FSD1L: variants seen among roughly 807,000 people sequenced by gnomAD.
FSD1L encodes the protein FSD1-like protein.
FSD1L carries 45 observed loss-of-function variants against 71.6 expected under a neutral mutation model. That is an observed-to-expected ratio of 0.63 (90% CI 0.49 to 0.81). FSD1L has a LOEUF of 0.81. Among genes scored for constraint, FSD1L ranks in the 30% least tolerant of loss-of-function variants. The probability of loss-of-function intolerance (pLI) is 0.00; values close to 1 mark genes in which losing one functional copy is unlikely to be tolerated. For missense variants in FSD1L, 561 were observed against 618.1 expected, an observed-to-expected ratio of 0.91 and a Z score of 0.98; for synonymous variants, 197 against 207.2, an observed-to-expected ratio of 0.95 and a Z score of 0.42.
At chr9:105,546,336 A>G (rs1271966222) in intron 13 of FSD1L, 22 bp from the exon 14 acceptor site, 1 of 1,502,972 alleles carries the variant, frequency 6.7e-7, no homozygotes, top group South Asian at 1.3e-5. Context: ...GCAATCTGAC[A>G]GGTTTTTTTG....
At chr9:105,448,268 G>C in intron 1 of FSD1L, 33 bp downstream of exon 1, 1 of 1,465,696 alleles carries the variant, frequency 6.8e-7, no homozygotes, top group Non-Finnish European at 9.1e-7. Flanking sequence ...GGGCTACCGA[G>C]ACAAGCCGGG....
intron 1 of FSD1L, among the ~76,000 whole-genome samples, chr9:105,455,743 C>T (rs763584671): frequency 6.6e-6 from 1 of 152,138 alleles, no homozygotes; most frequent in Non-Finnish European, 1.5e-5. Flanking sequence ...AATGTGAAGA[C>T]TCATACTACT....
At chr9:105,527,951 A>G (rs953932396) in intron 10 of FSD1L, among the ~76,000 whole-genome samples, 5 of 152,224 alleles carry the variant, frequency 3.3e-5, no homozygotes, top group African/African-American at 1.2e-4. Flanking sequence ...GCAAAGTCTC[A>G]GGATACAAAA....
At chr9:105,501,861 C>G (rs1766200083) in intron 7 of FSD1L, among the ~76,000 whole-genome samples, 1 of 152,144 alleles carries the variant, frequency 6.6e-6, no homozygotes, top group Admixed American at 6.5e-5. Flanking sequence ...CAGAACTTTT[C>G]AGAGATTCTG....
Position 105,506,534 on chromosome 9 carries a change from GACTTCC to G in FSD1L, c.725_730del (p.Leu242_Pro243del). ...GAACATAGGAAGACTAATTTTGATG[GACTTCC>G]ACGTGTAAAGGATGAGCGATGCTGG... On this transcript the variant is annotated inframe_deletion, in exon 8 of 14. Coordinates refer to ENST00000481272, the MANE Select transcript of FSD1L (RefSeq NM_001145313.3). 6.4e-7 allele frequency: 1 copy of G among 1,551,306 alleles called. No individual in the cohort carries two copies. Among genetic ancestry groups the G allele is most frequent in the Non-Finnish European group, 8.7e-7 (1 of 1,146,758 alleles).
At chr9:105,491,563 C>G (rs530976688) in intron 7 of FSD1L, among the ~76,000 whole-genome samples, 1 of 152,254 alleles carries the variant, frequency 6.6e-6, no homozygotes, top group South Asian at 2.1e-4. Context: ...GAGAGGGCAT[C>G]CCTGTCTTGT....
intron 1 of FSD1L, among the ~76,000 whole-genome samples, chr9:105,450,807 G>A (rs1027800525): frequency 6.6e-6 from 1 of 152,092 alleles, no homozygotes; most frequent in South Asian, 2.1e-4. Context: ...AAAGCGCTGC[G>A]ATTACAGGCT....
chr9:105,508,876 C>T (rs1279705672), intron 9 of FSD1L, among the ~76,000 whole-genome samples, 161 bp downstream of exon 9: 2 of 152,194 alleles, frequency 1.3e-5, no homozygotes, highest in African/African-American at 2.4e-5. Context: ...AATAGGACTA[C>T]AGTAGTGGTT....
In FSD1L at chr9:105,497,982, T is replaced by C. The variant is rs144353916; in HGVS notation, c.587-8417T>C. On this transcript the variant is annotated intron_variant, in intron 7 of 13. Transcript: ENST00000481272. ...CCACAGCCTTCTCAGTAGTTAGGACTACAGGCATGTGCTACCATGCCCAGC... is the reference window on the plus strand; with the variant it reads ...CCACAGCCTTCTCAGTAGTTAGGACCACAGGCATGTGCTACCATGCCCAGC... 7.9e-5 allele frequency among the ~76,000 whole-genome samples: 12 copies of C among 152,188 alleles called. 1 individual carries two copies. In the East Asian group the frequency reaches 2.3e-3, roughly 29 times the overall value.
intron 8 of FSD1L, among the ~76,000 whole-genome samples, chr9:105,508,004 G>A (rs958885616): frequency 6.7e-6 from 1 of 149,152 alleles, no homozygotes; most frequent in Non-Finnish European, 1.5e-5. Flanking sequence ...TGATTCTCCT[G>A]TCTCAGCCTC....
rs376069658 is a variant in FSD1L at position 105,481,141 on chromosome 9, C to CTGTGTGTGTGTGTGTGTGTGTGTG, written c.464+1780_464+1803dup. ...TCAGGAATTAGGGTTCAGGCAAACT[C>CTGTGTGTGTGTGTGTGTGTGTGTG]TGTGTGTGTGTGTGTGTGTGTGTGT... On this transcript the variant is annotated intron_variant, in intron 6 of 13. Transcript: ENST00000481272. 5.9e-4 allele frequency among the ~76,000 whole-genome samples: 48 copies of CTGTGTGTGTGTGTGTGTGTGTGTG among 81,554 alleles called. 4 individuals are homozygous for CTGTGTGTGTGTGTGTGTGTGTGTG. The highest frequency in any genetic ancestry group is 4.2e-3 in the East Asian group (8 of 1,916). The allele number at this position is 81,554 out of a possible 152,430, so 53.5% of individuals were successfully genotyped here.
At chr9:105,512,685 A>C in intron 9 of FSD1L, 122 bp from the exon 10 acceptor site, 1 of 495,966 alleles carries the variant, frequency 2.0e-6, no homozygotes, top group Non-Finnish European at 3.5e-6. Flanking sequence ...ATGAATTTGA[A>C]CTTTATTTTC....
intron 7 of FSD1L, among the ~76,000 whole-genome samples, chr9:105,496,238 G>A (rs538667013): frequency 2.4e-5 from 3 of 123,432 alleles, no homozygotes; most frequent in African/African-American, 9.2e-5. Flanking sequence ...GAATCTCGCT[G>A]TGTCGCCCAG....
chr9:105,530,325 G>T (rs1165328919), intron 10 of FSD1L, among the ~76,000 whole-genome samples: 1 of 152,156 alleles, frequency 6.6e-6, no homozygotes, highest in East Asian at 1.9e-4. Flanking sequence ...AGGAGATCAT[G>T]CTTGACATAA....
At chr9:105,461,660 A>G in intron 2 of FSD1L, 45 bp downstream of exon 2, 1 of 1,168,652 alleles carries the variant, frequency 8.6e-7, no homozygotes, top group Non-Finnish European at 1.2e-6. Context: ...TGAAGATCTG[A>G]TTCAAAATTA....
intron 10 of FSD1L, chr9:105,524,321 T>G: frequency 6.2e-7 from 1 of 1,613,644 alleles, no homozygotes; most frequent in South Asian, 1.1e-5. Flanking sequence ...ACCAGCCTGA[T>G]TCTCCCTTGA....
At chr9:105,461,474 T>C (rs1235606493) in intron 1 of FSD1L, 46 bp from the exon 2 acceptor site, 2 of 933,174 alleles carry the variant, frequency 2.1e-6, no homozygotes, top group East Asian at 2.8e-5. Context: ...TCCTTTACTT[T>C]TTTGATGTGG....
At chr9:105,524,277 A>C (rs1835366219) in intron 10 of FSD1L, 1 of 1,612,672 alleles carries the variant, frequency 6.2e-7, no homozygotes, top group Non-Finnish European at 8.5e-7. Context: ...CATGCTTCAC[A>C]TGCTGGTTCA....
At chr9:105,448,933 C>A (rs901829952) in intron 1 of FSD1L, among the ~76,000 whole-genome samples, 7 of 152,154 alleles carry the variant, frequency 4.6e-5, no homozygotes, top group African/African-American at 1.7e-4. Flanking sequence ...CGTAAAGGTT[C>A]AATTCAGAAG....
Sources: allele counts gnomAD v4.1 joint callset (sites outside exome capture counted in the v4.1 genomes callset), GRCh38; gene constraint gnomAD v4.1.1; transcripts MANE v1.5; gene names NCBI Gene and HGNC (gene_info 2026-07-23, HGNC 2026-07-21).